Variants in CLTCL1 observed in about 807,000 individuals in gnomAD.
The protein encoded by CLTCL1 is clathrin heavy chain 2.
A neutral mutation model predicts 190.0 loss-of-function variants in CLTCL1; 159 were observed. The observed-to-expected ratio is 0.84, with a 90% CI of 0.74 to 0.95. CLTCL1 has a LOEUF of 0.95. CLTCL1 is among the 40% of genes least tolerant of loss of function. The pLI is 0.00. For synonymous variants in CLTCL1, 752 were observed against 769.6 expected (o/e 0.98, Z 0.38); for missense variants, 1,878 against 2,033.4 (o/e 0.92, Z 1.47).
chr22:19,248,445 C>T (rs2086488671), intron 3 of CLTCL1, among the ~76,000 whole-genome samples: 1 of 152,164 alleles, frequency 6.6e-6, no homozygotes, highest in Admixed American at 6.6e-5. Context: ...TTAAAGCATA[C>T]CATCCAATGT....
At chr22:19,273,199 C>A (rs1306231318) in intron 2 of CLTCL1, among the ~76,000 whole-genome samples, 4 of 152,202 alleles carry the variant, frequency 2.6e-5, no homozygotes, top group Non-Finnish European at 5.9e-5. Flanking sequence ...ACAGTTTGCT[C>A]ATTTTGGTGT....
intron 19 of CLTCL1, among the ~76,000 whole-genome samples, chr22:19,214,937 G>A (rs1488878387): frequency 6.6e-6 from 1 of 152,182 alleles, no homozygotes; most frequent in African/African-American, 2.4e-5. Context: ...GATTACAGGC[G>A]TGAGCCACTA....
intron 30 of CLTCL1, chr22:19,181,470 A>T (rs1303025229): frequency 6.6e-6 from 1 of 152,378 alleles, no homozygotes; most frequent in Non-Finnish European, 1.5e-5. Context: ...TGTGCCCCCC[A>T]TGAGCTGGGG....
intron 2 of CLTCL1, among the ~76,000 whole-genome samples, chr22:19,262,168 G>C (rs1362121644): frequency 2.6e-5 from 4 of 151,884 alleles, no homozygotes; most frequent in African/African-American, 9.7e-5. Context: ...TGGGACTACA[G>C]GAGCGTGCCA....
intron 20 of CLTCL1, among the ~76,000 whole-genome samples, chr22:19,209,645 C>T (rs547800118): frequency 2.0e-5 from 3 of 152,174 alleles, no homozygotes; most frequent in Admixed American, 6.5e-5. Context: ...TGAGGGGGCA[C>T]AAAAGAAGGG....
intron 2 of CLTCL1, among the ~76,000 whole-genome samples, chr22:19,269,945 AT>A (rs201560005): frequency 0.068 from 9,998 of 147,702 alleles, 385 homozygotes; most frequent in Middle Eastern, 0.17. Flanking sequence ...TTAAAGTAAA[AT>A]TAAAAAAAAA....
At chr22:19,213,304 T>C (rs782614584) in intron 19 of CLTCL1, among the ~76,000 whole-genome samples, 2 of 152,086 alleles carry the variant, frequency 1.3e-5, no homozygotes, top group Non-Finnish European at 2.9e-5. Flanking sequence ...CTGGCTAAGA[T>C]AAAAAAATAC....
chr22:19,283,357 T>C (rs932765256), intron 1 of CLTCL1, among the ~76,000 whole-genome samples: 1 of 152,074 alleles, frequency 6.6e-6, no homozygotes, highest in Admixed American at 6.5e-5. Context: ...CTTGGCTTAC[T>C]GCAAAGTCTG....
At chr22:19,234,408 T>C in intron 7 of CLTCL1, 101 bp downstream of exon 7, 1 of 1,061,490 alleles carries the variant, frequency 9.4e-7, no homozygotes, top group Non-Finnish European at 1.3e-6. Context: ...ATAACACTAA[T>C]AGACTGCAAT....
chr22:19,187,856 T>C, intron 28 of CLTCL1, 125 bp downstream of exon 28: 1 of 1,306,938 alleles, frequency 7.7e-7, no homozygotes, highest in Non-Finnish European at 1.1e-6. Context: ...TGCCCATATA[T>C]CCACTGGTGT....
intron 27 of CLTCL1, among the ~76,000 whole-genome samples, chr22:19,189,373 T>G (rs2084418570): frequency 6.6e-6 from 1 of 152,238 alleles, no homozygotes; most frequent in Non-Finnish European, 1.5e-5. Context: ...CAGTAGAACA[T>G]TTTTCAAAAT....
At chr22:19,267,265 AAAG>A (rs1348730961) in intron 2 of CLTCL1, among the ~76,000 whole-genome samples, 9 of 152,228 alleles carry the variant, frequency 5.9e-5, no homozygotes, top group Non-Finnish European at 1.2e-4. Context: ...TAAATTTAAC[AAAG>A]AAGTATAGGA....
chr22:19,247,117 T>C (rs749482896), intron 3 of CLTCL1, among the ~76,000 whole-genome samples: 30 of 152,380 alleles, frequency 2.0e-4, no homozygotes, highest in South Asian at 8.3e-4. Flanking sequence ...TCTAAGAGTT[T>C]TGTAGTTTTA....
At chr22:19,261,021 TGAAA>T (rs2086930680) in intron 2 of CLTCL1, among the ~76,000 whole-genome samples, 1 of 151,966 alleles carries the variant, frequency 6.6e-6, no homozygotes, top group Non-Finnish European at 1.5e-5. Context: ...TACAAGGAGA[TGAAA>T]GCTGTTTTCA....
Position 19,242,139 on chromosome 22 carries a change from C to T in CLTCL1, c.681+636G>A, listed in dbSNP as rs1479184181. Among the ~76,000 whole-genome samples, 10 of 151,998 alleles carry T rather than the reference C, an allele frequency of 6.6e-5. No homozygotes were observed. In the South Asian group the frequency reaches 1.7e-3, roughly 25 times the overall value. ...TTATATTTTAATAGAGATGGGGTTT[C>T]GCTGTATTGTCCAGGCTGGTGTAGA... On this transcript the variant is annotated intron_variant, in intron 4 of 32. Coordinates refer to ENST00000427926, the MANE Select transcript of CLTCL1 (RefSeq NM_007098.4).
intron 3 of CLTCL1, among the ~76,000 whole-genome samples, chr22:19,251,790 ATTGCCCTGGCTAGAATCT>A (rs1324654943): frequency 6.6e-6 from 1 of 152,178 alleles, no homozygotes; most frequent in Non-Finnish European, 1.5e-5. Context: ...TTCTCACCTA[ATTGCCCTGGCTAGAATCT>A]CTAGTCCAAA....
At chr22:19,268,449 T>C (rs918505947) in intron 2 of CLTCL1, among the ~76,000 whole-genome samples, 2 of 152,162 alleles carry the variant, frequency 1.3e-5, no homozygotes, top group Non-Finnish European at 2.9e-5. Context: ...GTAAATCACA[T>C]AGCTGATAAA....
chr22:19,201,439 T>C lies in CLTCL1; in HGVS notation c.3655A>G (p.Ser1219Gly). The change falls in exon 23 of 33, where the codon AGC becomes GGC. Residue 1219 changes from serine to glycine, a missense_variant. By Grantham distance (56) the Ser-to-Gly change is moderately conservative. Coordinates refer to ENST00000427926, the MANE Select transcript of CLTCL1 (RefSeq NM_007098.4). ...AGGCGGGCAAAGTTAGAAACATTGC[T>C]ATAGAGCAGCTTGGCAGCCTCGTAC... ...GMYEAAKLLY[S>G]NVSNFARLAS... 8.1e-6 allele frequency: 13 copies of C among 1,613,932 alleles called. No homozygotes were observed. Among genetic ancestry groups the C allele is most frequent in the Non-Finnish European group, 1.1e-5 (13 of 1,179,820 alleles).
At chr22:19,183,142 G>T in intron 30 of CLTCL1, 1 of 490,948 alleles carries the variant, frequency 2.0e-6, no homozygotes, top group Non-Finnish European at 3.7e-6. Context: ...CAGCTGCCCA[G>T]CCAGAGTCTA....
Sources: allele counts gnomAD v4.1 joint callset (sites outside exome capture counted in the v4.1 genomes callset), GRCh38; gene constraint gnomAD v4.1.1; transcripts MANE v1.5; gene names NCBI Gene and HGNC (gene_info 2026-07-23, HGNC 2026-07-21).